KAT2B: variants seen among roughly 807,000 people sequenced by gnomAD.
KAT2B encodes lysine acetyltransferase 2B.
A neutral mutation model predicts 105.9 loss-of-function variants in KAT2B; 36 were observed. That is an observed-to-expected ratio of 0.34 (90% CI 0.26 to 0.45). The LOEUF is 0.45. Ranked by LOEUF, KAT2B falls within the 20% of genes least tolerant of loss-of-function variation. The probability of loss-of-function intolerance (pLI) is 1.00; values close to 1 mark genes in which losing one functional copy is unlikely to be tolerated. For missense variants in KAT2B, 820 were observed against 1,021.6 expected, an observed-to-expected ratio of 0.80 and a Z score of 2.69; for synonymous variants, 397 against 377.9, an observed-to-expected ratio of 1.05 and a Z score of -0.59.
At chr3:20,149,017 CTTTA>C (rs1699823984) in intron 17 of KAT2B, 2 of 152,476 alleles carry the variant, frequency 1.3e-5, no homozygotes, top group Admixed American at 6.5e-5. Flanking sequence ...TGTATATACT[CTTTA>C]TTTTACGCTT....
chr3:20,152,250 T>TA, intron 17 of KAT2B, 82 bp from the exon 18 acceptor site: 1 of 890,516 alleles, frequency 1.1e-6, no homozygotes, highest in South Asian at 1.8e-5. Context: ...ACCAACAACA[T>TA]AGATTCCTTT....
intron 2 of KAT2B, among the ~76,000 whole-genome samples, chr3:20,083,254 G>A (rs867265719): frequency 0.012 from 1,818 of 152,138 alleles, 37 homozygotes; most frequent in African/African-American, 0.042. Flanking sequence ...TTATTTTTTA[G>A]TTTTTAATAA....
At chr3:20,146,495 A>T in intron 14 of KAT2B, 65 bp downstream of exon 14, 1 of 878,156 alleles carries the variant, frequency 1.1e-6, no homozygotes, top group Non-Finnish European at 1.9e-6. Flanking sequence ...GTTTGAAACA[A>T]TTTCCAGAAT....
At chr3:20,073,370 T>C (rs748433445) in intron 2 of KAT2B, among the ~76,000 whole-genome samples, 12 of 152,192 alleles carry the variant, frequency 7.9e-5, no homozygotes, top group Non-Finnish European at 1.5e-4. Context: ...TGACTTCTTA[T>C]GCCATCATTT....
intron 1 of KAT2B, 80 bp downstream of exon 1, chr3:20,040,860 C>T (rs989635443): frequency 7.8e-6 from 11 of 1,414,124 alleles, no homozygotes; most frequent in Admixed American, 2.8e-5. Flanking sequence ...CCCGCTTCCA[C>T]CTCCGCCTCC....
At chr3:20,100,776 T>C (rs1698896629) in intron 4 of KAT2B, among the ~76,000 whole-genome samples, 1 of 152,210 alleles carries the variant, frequency 6.6e-6, no homozygotes, top group Non-Finnish European at 1.5e-5. Flanking sequence ...TTGAATGATA[T>C]ATATATTTTG....
intron 9 of KAT2B, among the ~76,000 whole-genome samples, chr3:20,125,445 C>A (rs4858767): frequency 3.3e-5 from 5 of 152,072 alleles, no homozygotes; most frequent in African/African-American, 4.8e-5. Context: ...AAACTATAAC[C>A]CACAGGCCAC....
intron 7 of KAT2B, among the ~76,000 whole-genome samples, chr3:20,117,864 G>T (rs1226530085): frequency 6.6e-6 from 1 of 151,964 alleles, no homozygotes; most frequent in Non-Finnish European, 1.5e-5. Context: ...TTTGTACAAT[G>T]GCCTTTTCTA....
At chr3:20,104,896 T>G (rs1314551485) in intron 5 of KAT2B, among the ~76,000 whole-genome samples, 6 of 151,622 alleles carry the variant, frequency 4.0e-5, no homozygotes, top group Non-Finnish European at 8.8e-5. Context: ...TTTTGTTTTT[T>G]TTTTTTTTGA....
intron 13 of KAT2B, among the ~76,000 whole-genome samples, chr3:20,142,121 C>T (rs866131603): frequency 6.6e-6 from 1 of 152,214 alleles, no homozygotes; most frequent in Admixed American, 6.5e-5. Context: ...TTGGCAGAGT[C>T]TGCAAATTCA....
intron 1 of KAT2B, among the ~76,000 whole-genome samples, chr3:20,057,171 G>T (rs1698016106): frequency 6.6e-6 from 1 of 152,188 alleles, no homozygotes; most frequent in Non-Finnish European, 1.5e-5. Flanking sequence ...GGCATTGAGT[G>T]CAGATTAACC....
At chr3:20,078,127 C>G (rs571756799) in intron 2 of KAT2B, among the ~76,000 whole-genome samples, 1 of 152,026 alleles carries the variant, frequency 6.6e-6, no homozygotes, top group African/African-American at 2.4e-5. Flanking sequence ...TTCAGTGGGC[C>G]GAGATCGCAC....
chr3:20,105,395 A>G lies in KAT2B; in HGVS notation c.851+3927A>G, dbSNP rs79843886. Among the ~76,000 whole-genome samples, 1,366 of 152,348 alleles carry G rather than the reference A, an allele frequency of 9.0e-3. 17 individuals carry two copies. The highest frequency in any genetic ancestry group is 0.025 in the African/African-American group (1,037 of 41,584). On this transcript the variant is annotated intron_variant, in intron 5 of 17. Coordinates refer to ENST00000263754, the MANE Select transcript of KAT2B (RefSeq NM_003884.5). The stretch of plus-strand genomic sequence containing the variant: ...CAACTGTCCAACAGTCTGCTGAAGG[A>G]AAGTGCAAGTAATTAGTCTTAGATT...
chr3:20,134,527 G>A (rs1467696132), intron 11 of KAT2B, among the ~76,000 whole-genome samples: 2 of 152,178 alleles, frequency 1.3e-5, no homozygotes, highest in African/African-American at 4.8e-5. Context: ...TCCTGCCTCA[G>A]CCTCCCGAGT....
intron 2 of KAT2B, 61 bp downstream of exon 2, chr3:20,072,520 T>C (rs1698343532): frequency 6.5e-7 from 1 of 1,537,334 alleles, no homozygotes; most frequent in Admixed American, 1.7e-5. Flanking sequence ...GACTCTTAAC[T>C]TACTGAATTC....
At chr3:20,136,803 A>G (rs1699607122) in intron 11 of KAT2B, 139 bp from the exon 12 acceptor site, 1 of 458,918 alleles carries the variant, frequency 2.2e-6, no homozygotes, top group Non-Finnish European at 3.9e-6. Context: ...GGGTGTTAAT[A>G]TATTTCATTC....
intron 5 of KAT2B, among the ~76,000 whole-genome samples, chr3:20,107,799 C>T (rs1699048543): frequency 7.0e-6 from 1 of 142,070 alleles, no homozygotes. Context: ...GTTTATTTTG[C>T]TTTTTCCTTT....
intron 14 of KAT2B, 159 bp downstream of exon 14, chr3:20,146,589 A>G (rs1469775326): frequency 1.1e-5 from 6 of 536,916 alleles, no homozygotes; most frequent in African/African-American, 1.9e-5. Flanking sequence ...TTACCCTTTT[A>G]TGTCTTCCCT....
At chr3:20,097,427 C>T (rs769511836) in intron 3 of KAT2B, among the ~76,000 whole-genome samples, 3 of 152,170 alleles carry the variant, frequency 2.0e-5, no homozygotes, top group Non-Finnish European at 4.4e-5. Flanking sequence ...ATTCTCCCCA[C>T]CTCCTGCAAA....
Sources: allele counts gnomAD v4.1 joint callset (sites outside exome capture counted in the v4.1 genomes callset), GRCh38; gene constraint gnomAD v4.1.1; transcripts MANE v1.5; gene names NCBI Gene and HGNC (gene_info 2026-07-23, HGNC 2026-07-21).